ZNF185: variants seen among roughly 807,000 people sequenced by gnomAD.
The protein encoded by ZNF185 is zinc finger protein 185 with LIM domain.
In ZNF185, 56 loss-of-function variants were observed where a neutral mutation model predicts 58.6. The observed-to-expected ratio is 0.95, with a 90% CI of 0.77 to 1.19. The LOEUF (loss-of-function observed/expected upper bound fraction) is 1.19. ZNF185 is among the 50% of genes most tolerant of loss of function. The pLI is 0.00. For synonymous variants in ZNF185, 230 were observed against 215.9 expected (o/e 1.07, Z -0.57); for missense variants, 627 against 573.5 (o/e 1.09, Z -0.95).
At chrX:152,914,625 G>C (rs1209793524) in intron 1 of ZNF185, 85 bp from the exon 3 acceptor site, 21 of 1,162,604 alleles carry the variant, frequency 1.8e-5, no homozygotes, top group South Asian at 9.8e-5. Flanking sequence ...CAAAGGGAGA[G>C]CAGCATACTG....
rs150123357 is a variant in ZNF185 at position 152,934,621 on chromosome X, C to T, written c.1121+1650C>T. 1.8e-4 allele frequency among the ~76,000 whole-genome samples: 20 copies of T among 111,831 alleles called. 1 individual carries two copies. The East Asian group carries it at 5.6e-3, about 31-fold the overall frequency. On this transcript the variant is annotated intron_variant, in intron 14 of 22. Coordinates refer to ENST00000449285, the Ensembl canonical transcript of ZNF185. ...CTGATATAAAATGGTGTAGCATTTG[C>T]ATGTAACCTATGCACATCCTCCTGT...
intron 20 of ZNF185, among the ~76,000 whole-genome samples, chrX:152,967,876 G>A (rs1183800836): frequency 2.7e-5 from 3 of 112,084 alleles, no homozygotes; most frequent in African/African-American, 9.7e-5. Flanking sequence ...GAAGAAAATG[G>A]AATAAATAGC....
the ZNF185 span, among the ~76,000 whole-genome samples, chrX:152,906,991 T>A: frequency 9.0e-6 from 1 of 110,934 alleles, no homozygotes. Flanking sequence ...ACTTCCCTTC[T>A]GCACAGTTTG....
chrX:152,913,605 C>A (rs1556863120), upstream of ZNF185, among the ~76,000 whole-genome samples: 1 of 112,444 alleles, frequency 8.9e-6, no homozygotes, highest in Non-Finnish European at 1.9e-5. Context: ...CCTAACTTAC[C>A]ACATTGCCAC....
At chrX:152,971,728 G>A (rs1295372860) in exon 23 of ZNF185, 1 of 112,432 alleles carries the variant, frequency 8.9e-6, no homozygotes, top group African/African-American at 3.2e-5. Context: ...GCATAGGCTA[G>A]TGTTTAGCTT....
rs2046563288 is a variant in ZNF185 at position 152,938,060 on chromosome X, G to A, written c.1122-14G>A. The stretch of plus-strand genomic sequence containing the variant: ...TGGTCTGAGATCTCAGCAGGCCTGT[G>A]TTTCCTTCCTCAGCTCCAGTGCCAC... On this transcript the variant is annotated splice_polypyrimidine_tract_variant and intron_variant, in intron 14 of 22. Coordinates refer to ENST00000449285, the Ensembl canonical transcript of ZNF185. The A allele has an allele frequency of 1.7e-6, 2 of 1,170,176 alleles. No homozygotes were observed. Among genetic ancestry groups the A allele is most frequent in the East Asian group, 3.2e-5 (1 of 31,169 alleles).
chrX:152,904,640 C>T, the ZNF185 span, among the ~76,000 whole-genome samples: 6 of 112,479 alleles, frequency 5.3e-5, no homozygotes, highest in African/African-American at 1.6e-4. Context: ...TGAGAAAGGA[C>T]GGGGTGAGGG....
intron 16 of ZNF185, among the ~76,000 whole-genome samples, chrX:152,955,578 A>G (rs2048735996): frequency 8.9e-6 from 1 of 112,758 alleles, no homozygotes; most frequent in Non-Finnish European, 1.9e-5. Context: ...TGAGCTCAGT[A>G]CACAACAATG....
At chrX:152,939,940 G>A (rs565408253) in intron 15 of ZNF185, among the ~76,000 whole-genome samples, 4 of 110,139 alleles carry the variant, frequency 3.6e-5, no homozygotes, top group South Asian at 3.9e-4. Context: ...ATGCCACCAC[G>A]CCCAGCTAAT....
In ZNF185 at chrX:152,922,266, T is replaced by G. The variant is rs782095640; in HGVS notation, c.740+10T>G. The G allele has an allele frequency of 5.1e-6, 6 of 1,166,386 alleles. No homozygotes were observed. The highest frequency in any genetic ancestry group is 6.9e-6 in the Non-Finnish European group (6 of 872,162). Reference sequence around the variant, plus strand: ...CTCCTGGCTCAAACAGGTAATCCATTGCGCTCATCTCTGCCTGGGGCTGGT... The same window carrying G: ...CTCCTGGCTCAAACAGGTAATCCATGGCGCTCATCTCTGCCTGGGGCTGGT... On this transcript the variant is annotated intron_variant, in intron 10 of 22. Transcript: ENST00000449285.
chrX:152,965,531 A>G lies in ZNF185; in HGVS notation c.1799+4A>G, dbSNP rs2050015633. 8.5e-7 allele frequency: 1 copy of G among 1,175,984 alleles called. No homozygotes were observed. Among genetic ancestry groups the G allele is most frequent in the Non-Finnish European group, 1.1e-6 (1 of 875,088 alleles). On this transcript the variant is annotated splice_donor_region_variant and intron_variant, in intron 19 of 22. Coordinates refer to ENST00000449285, the Ensembl canonical transcript of ZNF185. The stretch of plus-strand genomic sequence containing the variant: ...CAGTATCTGCACGCTATAGCAAGTA[A>G]GAGCGGGTCCCAAACCCTTCCATGT...
At chrX:152,941,098 G>T (rs980566415) in intron 15 of ZNF185, among the ~76,000 whole-genome samples, 4 of 112,138 alleles carry the variant, frequency 3.6e-5, no homozygotes, top group Non-Finnish European at 1.9e-5. Flanking sequence ...AAAACTTCCC[G>T]AAGTCCCAGG....
intron 14 of ZNF185, 82 bp downstream of exon 15, chrX:152,933,053 T>C (rs1556879008): frequency 2.5e-5 from 16 of 651,740 alleles, no homozygotes; most frequent in East Asian, 7.4e-5. Context: ...TGGGCTGCTA[T>C]GGGTGGGGCA....
chrX:152,927,850 G>T (rs923765060), intron 11 of ZNF185, among the ~76,000 whole-genome samples: 2 of 112,498 alleles, frequency 1.8e-5, no homozygotes, highest in South Asian at 7.3e-4. Flanking sequence ...CTGCAATGTG[G>T]CTTGGAATTA....
chrX:152,962,526 C>T (rs1458675512), intron 17 of ZNF185, among the ~76,000 whole-genome samples: 1 of 112,052 alleles, frequency 8.9e-6, no homozygotes, highest in Non-Finnish European at 1.9e-5. Context: ...CTCTTAGAAT[C>T]AATCCTTTTC....
chrX:152,919,228 G>T (rs1371803141), intron 7 of ZNF185, 147 bp downstream of exon 8: 3 of 481,188 alleles, frequency 6.2e-6, no homozygotes, highest in African/African-American at 4.8e-5. Context: ...ATGAGAATAG[G>T]TGTCATTCTC....
At chrX:152,967,936 G>T (rs937285837) in intron 20 of ZNF185, among the ~76,000 whole-genome samples, 1 of 112,031 alleles carries the variant, frequency 8.9e-6, no homozygotes, top group Non-Finnish European at 1.9e-5. Context: ...AAACCCCAGG[G>T]CCCTGACTAC....
intron 15 of ZNF185, chrX:152,941,980 G>T: frequency 1.2e-6 from 1 of 822,214 alleles, no homozygotes. Flanking sequence ...TGGCCTCTGG[G>T]ACACTGGACA....
chrX:152,938,607 G>A (rs1191146440), intron 15 of ZNF185, among the ~76,000 whole-genome samples: 1 of 111,113 alleles, frequency 9.0e-6, no homozygotes, highest in Non-Finnish European at 1.9e-5. Context: ...GTCCTTGTTG[G>A]GGAGTGCTGG....
Sources: gnomAD v4.1 joint callset for allele counts (sites outside exome capture counted in the v4.1 genomes callset) on GRCh38, gnomAD v4.1.1 for gene constraint, MANE v1.5 for transcripts, NCBI Gene and HGNC (gene_info 2026-07-23, HGNC 2026-07-21) for gene names.